The following HECW1 variants were observed in gnomAD, a reference collection of about 807,000 sequenced individuals.
HECW1 encodes the protein HECT, C2 and WW domain containing E3 ubiquitin protein ligase 1, also known as E3 ubiquitin-protein ligase HECW1.
Under a neutral mutation model 182.3 loss-of-function variants are expected in HECW1, and 61 were observed. That is an observed-to-expected ratio of 0.33 (90% CI 0.27 to 0.41). The LOEUF is 0.41. HECW1 is among the 10% of genes least tolerant of loss of function. The probability of loss-of-function intolerance (pLI) is 1.00; values close to 1 mark genes in which losing one functional copy is unlikely to be tolerated. For missense variants in HECW1, 1,739 were observed against 2,108.9 expected, an observed-to-expected ratio of 0.82 and a Z score of 3.44; for synonymous variants, 859 against 832.6, an observed-to-expected ratio of 1.03 and a Z score of -0.55.
chr7:43,313,186 A>T (rs1808756853), intron 4 of HECW1, among the ~76,000 whole-genome samples: 1 of 152,216 alleles, frequency 6.6e-6, no homozygotes, highest in South Asian at 2.1e-4. Flanking sequence ...GGAGGTACAT[A>T]AATTGTTGAA....
At position 43,243,329 on chromosome 7, in the gene HECW1, T is replaced by A. The variant is rs1422280815; in HGVS notation, c.-31-546T>A. Among the ~76,000 whole-genome samples the A allele has an allele frequency of 6.6e-6, 1 of 152,088 alleles. No homozygotes were observed. Among genetic ancestry groups the A allele is most frequent in the Non-Finnish European group, 1.5e-5 (1 of 68,038 alleles). On this transcript the variant is annotated intron_variant, in intron 2 of 29. Coordinates refer to ENST00000395891, the MANE Select transcript of HECW1 (RefSeq NM_015052.5). The surrounding 1 kb of genome is among the most constrained non-coding windows in gnomAD (Gnocchi z 4.0). ...ACCAGTGATGCCAAGTTTATTGTGG[T>A]GACAGTCACTCCGCAGGACAACAAG...
intron 5 of HECW1, among the ~76,000 whole-genome samples, chr7:43,350,464 C>A (rs1814284918): frequency 6.6e-6 from 1 of 152,108 alleles, no homozygotes; most frequent in Admixed American, 6.6e-5. Context: ...GTTTTCCAGG[C>A]TTTTAGAATT....
chr7:43,368,697 C>T (rs1816941066), intron 6 of HECW1, among the ~76,000 whole-genome samples: 1 of 152,198 alleles, frequency 6.6e-6, no homozygotes, highest in Non-Finnish European at 1.5e-5. Context: ...AGGTCCAGAG[C>T]TCACACTAAC....
intron 2 of HECW1, among the ~76,000 whole-genome samples, chr7:43,180,961 A>C (rs1462696512): frequency 6.6e-6 from 1 of 152,098 alleles, no homozygotes; most frequent in African/African-American, 2.4e-5. Flanking sequence ...TCTAACTGTA[A>C]CTTTGTAACA....
chr7:43,198,060 CCA>C (rs374482624), intron 2 of HECW1, among the ~76,000 whole-genome samples: 3,069 of 151,324 alleles, frequency 0.02, 101 homozygotes, highest in African/African-American at 0.071. Context: ...GTCACACACC[CCA>C]CACACACACT....
At chr7:43,337,862 T>A (rs1202170548) in intron 5 of HECW1, among the ~76,000 whole-genome samples, 1 of 152,216 alleles carries the variant, frequency 6.6e-6, no homozygotes, top group African/African-American at 2.4e-5. Flanking sequence ...GCATTTGCAG[T>A]GTCAGGGGCC....
chr7:43,379,010 C>G (rs546153239), intron 6 of HECW1, among the ~76,000 whole-genome samples: 1 of 152,106 alleles, frequency 6.6e-6, no homozygotes, highest in South Asian at 2.1e-4. Context: ...TGCCCTTGCT[C>G]ACACAAGCAC....
At chr7:43,500,903 A>C in intron 20 of HECW1, 121 bp downstream of exon 20, 2 of 833,344 alleles carry the variant, frequency 2.4e-6, no homozygotes, top group Non-Finnish European at 4.1e-6. Context: ...GGATTCTAGT[A>C]ACTGCAACGC....
At chr7:43,427,688 G>A (rs1255118608) in intron 8 of HECW1, among the ~76,000 whole-genome samples, 5 of 152,080 alleles carry the variant, frequency 3.3e-5, no homozygotes, top group African/African-American at 7.2e-5. Context: ...GATCTCAGAC[G>A]CTGAAACCAC....
intron 21 of HECW1, among the ~76,000 whole-genome samples, chr7:43,504,945 G>A (rs1284637624): frequency 6.6e-6 from 1 of 152,174 alleles, no homozygotes; most frequent in African/African-American, 2.4e-5. Context: ...CCAATCCAGC[G>A]GGCAGTTCTC....
chr7:43,278,723 T>G (rs1468020371), intron 3 of HECW1, among the ~76,000 whole-genome samples: 1 of 152,100 alleles, frequency 6.6e-6, no homozygotes, highest in African/African-American at 2.4e-5. Flanking sequence ...CTGCTTCCAG[T>G]GCTTTTTCCC....
At chr7:43,441,982 C>T (rs2076902837) in intron 9 of HECW1, among the ~76,000 whole-genome samples, 1 of 152,162 alleles carries the variant, frequency 6.6e-6, no homozygotes, top group African/African-American at 2.4e-5. Context: ...AACCATACAT[C>T]GAATTTTGAA....
At chr7:43,525,206 A>G (rs2080709384) in intron 24 of HECW1, among the ~76,000 whole-genome samples, 1 of 152,234 alleles carries the variant, frequency 6.6e-6, no homozygotes, top group South Asian at 2.1e-4. Context: ...GGTCAGCATC[A>G]TGGCTGAGAA....
chr7:43,228,359 AT>A (rs1176075719), intron 2 of HECW1, among the ~76,000 whole-genome samples: 1 of 152,164 alleles, frequency 6.6e-6, no homozygotes, highest in Non-Finnish European at 1.5e-5. Context: ...ATATTTTAGA[AT>A]TCACAGAGCT....
At chr7:43,171,512 A>C (rs1194752175) in intron 2 of HECW1, among the ~76,000 whole-genome samples, 1 of 152,174 alleles carries the variant, frequency 6.6e-6, no homozygotes, top group African/African-American at 2.4e-5. Context: ...AGGGGCTCCA[A>C]GGAAAGGACA....
chr7:43,412,030 C>G (rs1378930774), intron 8 of HECW1, among the ~76,000 whole-genome samples: 1 of 152,112 alleles, frequency 6.6e-6, no homozygotes, highest in Non-Finnish European at 1.5e-5. Flanking sequence ...ATTTCCCCTT[C>G]TTGACTTGTT....
At chr7:43,139,653 T>G (rs1024054137) in intron 2 of HECW1, among the ~76,000 whole-genome samples, 3 of 152,234 alleles carry the variant, frequency 2.0e-5, no homozygotes, top group African/African-American at 7.2e-5. Flanking sequence ...TTTTTCTGCT[T>G]TTTAGTTTTC....
chr7:43,299,548 AG>A (rs1183106233), intron 3 of HECW1, among the ~76,000 whole-genome samples: 8 of 152,244 alleles, frequency 5.3e-5, no homozygotes, highest in Non-Finnish European at 1.2e-4. Flanking sequence ...TAAAAAAAAA[AG>A]TTTCCAAACT....
At chr7:43,346,230 A>T (rs1264436490) in intron 5 of HECW1, among the ~76,000 whole-genome samples, 2 of 151,902 alleles carry the variant, frequency 1.3e-5, no homozygotes, top group Non-Finnish European at 2.9e-5. Context: ...TTTGATTTGC[A>T]TTTCCCTGAT....
Sources: gnomAD v4.1 joint callset for allele counts (sites outside exome capture counted in the v4.1 genomes callset) on GRCh38, gnomAD v4.1.1 for gene constraint, Gnocchi (gnomAD v3.1) non-coding constraint, MANE v1.5 for transcripts, NCBI Gene and HGNC (gene_info 2026-07-23, HGNC 2026-07-21) for gene names.